Variants in RFFL observed in about 807,000 individuals in gnomAD.
RFFL encodes E3 ubiquitin-protein ligase rififylin.
A neutral mutation model predicts 40.4 loss-of-function variants in RFFL; 16 were observed. The ratio of observed to expected loss-of-function variants is 0.40; its 90% CI spans 0.27 to 0.60. The LOEUF is 0.60. Among genes scored for constraint, RFFL ranks in the 20% least tolerant of loss-of-function variants. RFFL has a pLI of 0.47. For missense variants in RFFL, 367 were observed against 451.7 expected (o/e 0.81, Z 1.70); for synonymous variants, 154 against 167.9 (o/e 0.92, Z 0.64).
intron 1 of RFFL, among the ~76,000 whole-genome samples, chr17:35,040,381 C>T (rs1395800706): frequency 3.3e-5 from 5 of 151,986 alleles, no homozygotes; most frequent in African/African-American, 1.2e-4. Flanking sequence ...GCGGGCAGAT[C>T]ACTTGAGGTC....
intron 1 of RFFL, chr17:35,088,686 G>A (rs2091443067): frequency 6.6e-6 from 1 of 152,264 alleles, no homozygotes; most frequent in South Asian, 2.1e-4. Context: ...CCTCCTCTAA[G>A]ACGGAGATAG....
intron 1 of RFFL, among the ~76,000 whole-genome samples, chr17:35,078,423 CT>C (rs2091387931): frequency 6.6e-6 from 1 of 152,144 alleles, no homozygotes; most frequent in African/African-American, 2.4e-5. Context: ...CCAACTCAGA[CT>C]CCTGAGTAGC....
chr17:35,011,203 G>A lies in RFFL; in HGVS notation c.*765C>T, dbSNP rs1167225217. ...CAGGTCCCAAGAGAAGCAGCAGCAG[G>A]GATTATGCACGCACTATCCCTTGCA... On this transcript the variant is annotated 3_prime_UTR_variant, in exon 7 of 7. Coordinates refer to ENST00000394597, the MANE Select transcript of RFFL (RefSeq NM_001017368.2). 1 of 152,136 alleles carries A rather than the reference G, an allele frequency of 6.6e-6. No homozygotes were observed. The highest frequency in any genetic ancestry group is 1.5e-5 in the Non-Finnish European group (1 of 68,034). 9.4% of individuals were successfully genotyped at this position (152,136 alleles called of 1,614,324 possible).
chr17:35,034,947 A>C (rs1567706366), intron 1 of RFFL, among the ~76,000 whole-genome samples: 1 of 152,140 alleles, frequency 6.6e-6, no homozygotes, highest in Non-Finnish European at 1.5e-5. Flanking sequence ...GCTCAACTTG[A>C]ACATCTTGAT....
intron 1 of RFFL, among the ~76,000 whole-genome samples, chr17:35,087,148 C>T (rs921671508): frequency 2.6e-5 from 4 of 152,044 alleles, no homozygotes; most frequent in Non-Finnish European, 5.9e-5. Flanking sequence ...TTGCTTGAGC[C>T]CAGTTCATGA....
chr17:35,088,308 T>TTAC (rs1341639768), intron 1 of RFFL, among the ~76,000 whole-genome samples: 3 of 152,150 alleles, frequency 2.0e-5, no homozygotes, highest in African/African-American at 7.2e-5. Flanking sequence ...GGTACACTCT[T>TTAC]GATTACACAA....
chr17:35,079,907 G>T (rs2142385770), intron 1 of RFFL, among the ~76,000 whole-genome samples: 1 of 152,304 alleles, frequency 6.6e-6, no homozygotes, highest in East Asian at 1.9e-4. Flanking sequence ...TATATGATAA[G>T]TAGACAAACA....
chr17:35,017,312 T>A (rs902125988), intron 4 of RFFL, among the ~76,000 whole-genome samples: 2 of 152,012 alleles, frequency 1.3e-5, no homozygotes, highest in African/African-American at 2.4e-5. Flanking sequence ...GGCTTCTCCG[T>A]CTCCACTGTG....
intron 1 of RFFL, among the ~76,000 whole-genome samples, chr17:35,043,081 T>C (rs2091176902): frequency 6.6e-6 from 1 of 152,208 alleles, no homozygotes; most frequent in Non-Finnish European, 1.5e-5. Context: ...GGGTAACAGA[T>C]AAATGCATAT....
At chr17:35,059,082 A>G (rs1265206510) in intron 1 of RFFL, among the ~76,000 whole-genome samples, 2 of 148,232 alleles carry the variant, frequency 1.3e-5, no homozygotes, top group South Asian at 2.2e-4. Context: ...GCAATGGCAC[A>G]ATCTTGGCTC....
At chr17:35,014,461 TCA>T (rs1567699778) in intron 6 of RFFL, among the ~76,000 whole-genome samples, 2 of 152,118 alleles carry the variant, frequency 1.3e-5, no homozygotes, top group Non-Finnish European at 2.9e-5. Context: ...CTCCTCTGTT[TCA>T]GTGTTTTACA....
intron 1 of RFFL, among the ~76,000 whole-genome samples, chr17:35,063,169 C>T (rs1313198729): frequency 1.3e-5 from 2 of 151,980 alleles, no homozygotes; most frequent in African/African-American, 2.4e-5. Flanking sequence ...TGAAAGAAAA[C>T]TTCTGGCCGG....
In RFFL at chr17:35,020,431, G is replaced by A. The variant is rs538364372; in HGVS notation, c.591+940C>T. On this transcript the variant is annotated intron_variant, in intron 3 of 6. Coordinates refer to ENST00000394597, the MANE Select transcript of RFFL (RefSeq NM_001017368.2). ...GAATGTGAACTCTGTTGTGAACTGC[G>A]CATGCGAGGGATCTAGGATGCATGC... Among the ~76,000 whole-genome samples the A allele has an allele frequency of 3.7e-3, 561 of 150,276 alleles. 4 individuals are homozygous for A. The highest frequency in any genetic ancestry group is 0.012 in the African/African-American group (508 of 40,732).
At chr17:35,049,185 T>A (rs1364221944) in intron 1 of RFFL, among the ~76,000 whole-genome samples, 1 of 152,186 alleles carries the variant, frequency 6.6e-6, no homozygotes, top group Non-Finnish European at 1.5e-5. Context: ...CTCACTGCTT[T>A]CACACACAGT....
chr17:35,052,969 A>G (rs1344270635), intron 1 of RFFL, among the ~76,000 whole-genome samples: 1 of 152,212 alleles, frequency 6.6e-6, no homozygotes, highest in East Asian at 1.9e-4. Flanking sequence ...CAACAGAAAC[A>G]AGGGTACTCA....
chr17:35,082,379 C>T (rs1418234078), intron 1 of RFFL, among the ~76,000 whole-genome samples: 1 of 152,172 alleles, frequency 6.6e-6, no homozygotes, highest in African/African-American at 2.4e-5. Context: ...CTCAAAGGCT[C>T]CTAGCCTAAT....
intron 1 of RFFL, among the ~76,000 whole-genome samples, chr17:35,042,536 C>T (rs576466043): frequency 6.6e-6 from 1 of 151,880 alleles, no homozygotes; most frequent in African/African-American, 2.4e-5. Flanking sequence ...ATAAATAATT[C>T]GGTGGCCGGG....
At chr17:35,081,565 C>T (rs925997435) in intron 1 of RFFL, among the ~76,000 whole-genome samples, 1 of 152,042 alleles carries the variant, frequency 6.6e-6, no homozygotes, top group African/African-American at 2.4e-5. Context: ...GGGTAAAAGG[C>T]CAAACATTGT....
chr17:35,041,876 G>A (rs1049856958), intron 1 of RFFL, among the ~76,000 whole-genome samples: 13 of 152,224 alleles, frequency 8.5e-5, no homozygotes, highest in African/African-American at 2.9e-4. Flanking sequence ...AATTAGTGGT[G>A]TGGTGGCACA....
Sources: gnomAD v4.1 joint callset for allele counts (sites outside exome capture counted in the v4.1 genomes callset) on GRCh38, gnomAD v4.1.1 for gene constraint, MANE v1.5 for transcripts, NCBI Gene and HGNC (gene_info 2026-07-23, HGNC 2026-07-21) for gene names.